ONECUT3: variants seen among roughly 807,000 people sequenced by gnomAD.
ONECUT3 encodes the protein one cut homeobox 3.
In ONECUT3, 11 loss-of-function variants were observed where a neutral mutation model predicts 16.8. The ratio of observed to expected loss-of-function variants is 0.66; its 90% confidence interval spans 0.41 to 1.09. The LOEUF (loss-of-function observed/expected upper bound fraction) is 1.09, where lower values mean the gene tolerates loss of function less well. Ranked by LOEUF, ONECUT3 falls within the 50% of genes least tolerant of loss-of-function variation. The pLI, the probability that ONECUT3 is intolerant of heterozygous loss-of-function variation, is 0.00. For synonymous variants in ONECUT3, 344 were observed against 310.7 expected (o/e 1.11, Z -1.13); for missense variants, 637 against 629.9 (o/e 1.01, Z -0.12).
chr19:1,771,988 A>ATTAC (rs2068059402), intron 1 of ONECUT3, among the ~76,000 whole-genome samples: 1 of 141,322 alleles, frequency 7.1e-6, no homozygotes, highest in Non-Finnish European at 1.5e-5. Context: ...CTATTTAGTT[A>ATTAC]TTATTTATTT....
At chr19:1,756,329 T>C (rs1276835111) in intron 1 of ONECUT3, among the ~76,000 whole-genome samples, 3 of 152,256 alleles carry the variant, frequency 2.0e-5, no homozygotes, top group East Asian at 3.9e-4. Context: ...GGAAAATAAA[T>C]AGTCTTTCGC....
chr19:1,760,797 A>G (rs1001388111), intron 1 of ONECUT3, among the ~76,000 whole-genome samples: 5 of 152,094 alleles, frequency 3.3e-5, no homozygotes, highest in Non-Finnish European at 7.4e-5. Flanking sequence ...CCTGGGAGAC[A>G]GGGACGCTCG....
At chr19:1,756,420 C>T (rs1276236012) in intron 1 of ONECUT3, among the ~76,000 whole-genome samples, 1 of 152,240 alleles carries the variant, frequency 6.6e-6, no homozygotes. Context: ...CCCCATGACA[C>T]ATACAGCGGC....
In ONECUT3 at chr19:1,758,312, AAAAAGAG is replaced by A. The variant is rs746207430; in HGVS notation, c.1192+3460_1192+3466del. On this transcript the variant is annotated intron_variant, in intron 1 of 1. Coordinates refer to ENST00000382349, the MANE Select transcript of ONECUT3 (RefSeq NM_001080488.2). This position sits in a 1 kb window ranked among gnomAD's most constrained non-coding sequence, Gnocchi z 5.9. ...GAGGCAGAGAGACCAAAAAAAAAAA[AAAAAGAG>A]AGAGAGAGAGAGAGAGACAGAGATG... Among the ~76,000 whole-genome samples, 7 of 117,884 alleles carry A rather than the reference AAAAAGAG, an allele frequency of 5.9e-5. No homozygotes were observed. The highest frequency in any genetic ancestry group is 3.1e-4 in the South Asian group (1 of 3,260). The allele number at this position is 117,884 out of a possible 152,430, so 77.3% of individuals were successfully genotyped here. A position where few individuals can be genotyped will look rare whatever the true frequency, so the allele number is the denominator to read the frequency against.
intron 1 of ONECUT3, among the ~76,000 whole-genome samples, chr19:1,757,393 C>T (rs549003584): frequency 3.3e-4 from 50 of 152,342 alleles, no homozygotes; most frequent in African/African-American, 1.2e-3. Context: ...GGTTTCCTGT[C>T]GAGGAAGGGA....
chr19:1,766,738 C>A lies in ONECUT3; in HGVS notation c.1193-8415C>A, dbSNP rs12978813. ...TGCTGAGGGCACTCGGGGAGCCCCA[C>A]TGTCCCACCCGGCGCTCCAGGGCAG... On this transcript the variant is annotated intron_variant, in intron 1 of 1. Transcript: ENST00000382349. The surrounding 1 kb of genome is among the most constrained non-coding windows in gnomAD (Gnocchi z 4.0). Among the ~76,000 whole-genome samples, 45,862 of 151,668 alleles carry A rather than the reference C, an allele frequency of 0.3. 7,091 individuals are homozygous for A. Among genetic ancestry groups the A allele is most frequent in the South Asian group, 0.33 (1,600 of 4,802 alleles).
At chr19:1,773,159 C>A (rs1049507363) in intron 1 of ONECUT3, among the ~76,000 whole-genome samples, 4 of 152,078 alleles carry the variant, frequency 2.6e-5, no homozygotes, top group Admixed American at 6.6e-5. Context: ...TTTTCTCTTA[C>A]TCCTCTGGGA....
intron 1 of ONECUT3, among the ~76,000 whole-genome samples, chr19:1,765,710 T>C (rs2067981123): frequency 6.6e-6 from 1 of 152,120 alleles, no homozygotes; most frequent in Non-Finnish European, 1.5e-5. Flanking sequence ...GGGCTCTGGG[T>C]CACTGCGTCC....
chr19:1,767,101 A>T (rs2067999277), intron 1 of ONECUT3, among the ~76,000 whole-genome samples: 1 of 152,054 alleles, frequency 6.6e-6, no homozygotes, highest in South Asian at 2.1e-4. Flanking sequence ...TCTTGGCCCC[A>T]GTTTCTCCAT....
rs1172569920 is a variant in ONECUT3 at position 1,775,409 on chromosome 19, C to T, written c.1449C>T (p.Gly483=). The T allele has an allele frequency of 9.2e-6, 14 of 1,529,444 alleles. No individual in the cohort carries two copies. Among genetic ancestry groups the T allele is most frequent in the Non-Finnish European group, 1.1e-5 (13 of 1,140,214 alleles). The allele number at this position is 1,529,444 out of a possible 1,614,324, so 94.7% of individuals were successfully genotyped here. A position where few individuals can be genotyped will look rare whatever the true frequency, so the allele number is the denominator to read the frequency against. Residue 483 remains glycine, a synonymous_variant, in exon 2 of 2, where the codon GGC becomes GGT. Transcript: ENST00000382349. ...WAEEPSTAPG[G]PAGATATFSK... ...AGGAGCCCAGCACGGCCCCCGGGGG[C>T]CCCGCCGGCGCCACGGCCACTTTCT...
intron 1 of ONECUT3, among the ~76,000 whole-genome samples, chr19:1,768,571 C>T (rs930265413): frequency 6.6e-6 from 1 of 152,220 alleles, no homozygotes; most frequent in African/African-American, 2.4e-5. Flanking sequence ...CCCACTCCTC[C>T]GCCAGCTTGG....
At chr19:1,757,788 A>AG (rs2067924506) in intron 1 of ONECUT3, among the ~76,000 whole-genome samples, 2 of 152,176 alleles carry the variant, frequency 1.3e-5, no homozygotes, top group South Asian at 4.1e-4. Flanking sequence ...CGCGGCGGTT[A>AG]GGGGGAGACG....
At chr19:1,757,354 T>A (rs777739214) in intron 1 of ONECUT3, among the ~76,000 whole-genome samples, 1 of 152,208 alleles carries the variant, frequency 6.6e-6, no homozygotes, top group Non-Finnish European at 1.5e-5. Flanking sequence ...CTTGTGACAA[T>A]GACAAACAGT....
Position 1,773,841 on chromosome 19 carries a change from C to T in ONECUT3, c.1193-1312C>T, listed in dbSNP as rs569205927. Among the ~76,000 whole-genome samples, 10 of 152,316 alleles carry T rather than the reference C, an allele frequency of 6.6e-5. No homozygotes were observed. In the East Asian group the frequency reaches 1.9e-3, roughly 29 times the overall value. ...GGGGGAAGCCTGTGTTTTGTACCCA[C>T]TGACACCCACTGCATTGAGGGGAGG... is the stretch of plus-strand genomic sequence containing the variant. On this transcript the variant is annotated intron_variant, in intron 1 of 1. Transcript: ENST00000382349.
chr19:1,766,316 C>T lies in ONECUT3; in HGVS notation c.1193-8837C>T, dbSNP rs1262563885. ...GCACCCTCAGCCCGCACGCGGCCAACGTCAGGCGCGCGCAGAGGCACCCAC... is the reference window on the plus strand; with the variant it reads ...GCACCCTCAGCCCGCACGCGGCCAATGTCAGGCGCGCGCAGAGGCACCCAC... On this transcript the variant is annotated intron_variant, in intron 1 of 1. Coordinates refer to ENST00000382349, the MANE Select transcript of ONECUT3 (RefSeq NM_001080488.2). This position sits in a 1 kb window ranked among gnomAD's most constrained non-coding sequence, Gnocchi z 4.0. 2.6e-5 allele frequency among the ~76,000 whole-genome samples: 4 copies of T among 152,194 alleles called. No individual in the cohort carries two copies. Among genetic ancestry groups the T allele is most frequent in the Admixed American group, 1.3e-4 (2 of 15,286 alleles).
At position 1,754,109 on chromosome 19, in the gene ONECUT3, C is replaced by T; in HGVS notation, c.447C>T (p.Ala149=). The change falls in exon 1 of 2, where the codon GCC becomes GCT. Residue 149 remains alanine, a synonymous_variant. Transcript: ENST00000382349. This position sits in a 1 kb window ranked among gnomAD's most constrained non-coding sequence, Gnocchi z 7.4. ...GHPHAHPHPA[A]APPPPPPPQR... Reference sequence around the variant, plus strand: ...CCCACGCGCACCCGCACCCGGCGGCCGCGCCGCCCCCGCCACCCCCGCCGC... The same window carrying T: ...CCCACGCGCACCCGCACCCGGCGGCTGCGCCGCCCCCGCCACCCCCGCCGC... 9.8e-6 allele frequency: 10 copies of T among 1,019,718 alleles called. No individual in the cohort carries two copies. Among genetic ancestry groups the T allele is most frequent in the Non-Finnish European group, 1.2e-5 (10 of 855,142 alleles). The allele number at this position is 1,019,718 out of a possible 1,614,324, so 63.2% of individuals were successfully genotyped here.
chr19:1,758,172 G>C lies in ONECUT3; in HGVS notation c.1192+3318G>C, dbSNP rs995600240. 6.6e-6 allele frequency among the ~76,000 whole-genome samples: 1 copy of C among 152,082 alleles called. No individual in the cohort carries two copies. Among genetic ancestry groups the C allele is most frequent in the Non-Finnish European group, 1.5e-5 (1 of 68,004 alleles). On this transcript the variant is annotated intron_variant, in intron 1 of 1. Transcript: ENST00000382349. The surrounding 1 kb of genome is among the most constrained non-coding windows in gnomAD (Gnocchi z 5.9). ...ACGGGGAGATGGAGAGAGAGGGAGG[G>C]GTCGCGAGACAAAACCAGAGAGTGG...
intron 1 of ONECUT3, among the ~76,000 whole-genome samples, chr19:1,761,444 G>C (rs771473492): frequency 1.3e-5 from 2 of 152,214 alleles, no homozygotes; most frequent in Non-Finnish European, 2.9e-5. Flanking sequence ...ACCCTGCCCC[G>C]TGGCTCCCCA....
chr19:1,777,883 C>A lies in ONECUT3; in HGVS notation c.*2438C>A, dbSNP rs8110457. On this transcript the variant is annotated 3_prime_UTR_variant, in exon 2 of 2. Coordinates refer to ENST00000382349, the MANE Select transcript of ONECUT3 (RefSeq NM_001080488.2). ...GGTGGCAGGCACCTGTAATCCCAGC[C>A]ACCTGGGAGGCTGAGGCAGGAGAAT... The A allele has an allele frequency of 6.6e-6, 1 of 151,222 alleles. No individual in the cohort carries two copies. Among genetic ancestry groups the A allele is most frequent in the Admixed American group, 6.6e-5 (1 of 15,180 alleles). The allele number at this position is 151,222 out of a possible 1,614,324, so 9.4% of individuals were successfully genotyped here.
Sources: allele counts gnomAD v4.1 joint callset (sites outside exome capture counted in the v4.1 genomes callset), GRCh38; gene constraint gnomAD v4.1.1; non-coding constraint Gnocchi (gnomAD v3.1); transcripts MANE v1.5; gene names NCBI Gene and HGNC (gene_info 2026-07-23, HGNC 2026-07-21).